Variants in MAP2K6 observed in about 807,000 individuals in gnomAD.
MAP2K6 encodes mitogen-activated protein kinase kinase 6.
Under a neutral mutation model 53.7 loss-of-function variants are expected in MAP2K6, and 16 were observed. The observed-to-expected ratio is 0.30, with a 90% CI of 0.20 to 0.45. The LOEUF (loss-of-function observed/expected upper bound fraction) is 0.45, where lower values mean the gene tolerates loss of function less well. Ranked by LOEUF, MAP2K6 falls within the 20% of genes least tolerant of loss-of-function variation. The probability of loss-of-function intolerance (pLI) is 1.00; values close to 1 mark genes in which losing one functional copy is unlikely to be tolerated. For missense variants in MAP2K6, 204 were observed against 411.9 expected (o/e 0.50, Z 4.37); for synonymous variants, 132 against 143.1 (o/e 0.92, Z 0.55).
intron 4 of MAP2K6, among the ~76,000 whole-genome samples, chr17:69,518,862 T>G (rs1166761764): frequency 6.6e-6 from 1 of 152,226 alleles, no homozygotes; most frequent in African/African-American, 2.4e-5. Context: ...CTCTAATTGC[T>G]TCTATTTTGT....
intron 1 of MAP2K6, among the ~76,000 whole-genome samples, chr17:69,419,783 C>G (rs981145000): frequency 3.9e-5 from 6 of 151,962 alleles, no homozygotes; most frequent in African/African-American, 1.5e-4. Context: ...AAAAATTAGT[C>G]AGGCGTGGTG....
At chr17:69,481,030 T>C (rs997784791) in intron 1 of MAP2K6, among the ~76,000 whole-genome samples, 1 of 152,202 alleles carries the variant, frequency 6.6e-6, no homozygotes, top group African/African-American at 2.4e-5. Flanking sequence ...TCTTAATCAT[T>C]ATAGTATAAT....
At chr17:69,450,773 A>G (rs183076051) in intron 1 of MAP2K6, among the ~76,000 whole-genome samples, 34 of 152,194 alleles carry the variant, frequency 2.2e-4, no homozygotes, top group Middle Eastern at 6.8e-3. Context: ...CTAAAAATAT[A>G]AATAAGACCC....
chr17:69,416,837 C>T (rs1263834426), intron 1 of MAP2K6, among the ~76,000 whole-genome samples: 1 of 152,152 alleles, frequency 6.6e-6, no homozygotes, highest in Non-Finnish European at 1.5e-5. Context: ...GTGGTGTTTA[C>T]TGTGATCTTA....
chr17:69,414,942 A>G lies in MAP2K6; in HGVS notation c.-43A>G. ...ACTAGCTACAGAAGAGAAGCAAGGC[A>G]AAGTCTTTTGTGCTCCCCTCCCCCA... is the stretch of plus-strand genomic sequence containing the variant. On this transcript the variant is annotated 5_prime_UTR_variant, in exon 1 of 12. Transcript: ENST00000590474. 1 of 1,527,592 alleles carries G rather than the reference A, an allele frequency of 6.5e-7. No homozygotes were observed. The allele number at this position is 1,527,592 out of a possible 1,614,324, so 94.6% of individuals were successfully genotyped here.
intron 1 of MAP2K6, among the ~76,000 whole-genome samples, chr17:69,447,904 G>A (rs1404076475): frequency 6.6e-6 from 1 of 152,160 alleles, no homozygotes; most frequent in Non-Finnish European, 1.5e-5. Flanking sequence ...CTGAGTCCAG[G>A]GGAGTGCAGA....
chr17:69,502,269 T>C, intron 1 of MAP2K6: 25 of 985,452 alleles, frequency 2.5e-5, no homozygotes, highest in Non-Finnish European at 3.0e-5. Context: ...TTCAGTTCTG[T>C]TTCTCCTTGC....
Position 69,540,862 on chromosome 17 carries a change from A to G in MAP2K6, c.928-814A>G, listed in dbSNP as rs1461840222. Reference sequence around the variant, plus strand: ...CTTGGCAAATGGCTTTAACTGTTTTAGTCTAAACCAATTCTCCAACGTCAA... The same window carrying G: ...CTTGGCAAATGGCTTTAACTGTTTTGGTCTAAACCAATTCTCCAACGTCAA... On this transcript the variant is annotated intron_variant, in intron 11 of 11. Transcript: ENST00000590474. 2.0e-5 allele frequency among the ~76,000 whole-genome samples: 3 copies of G among 152,216 alleles called. 1 individual carries two copies. Among genetic ancestry groups the G allele is most frequent in the Non-Finnish European group, 4.4e-5 (3 of 68,036 alleles).
Position 69,541,777 on chromosome 17 carries a change from A to C in MAP2K6, c.*24A>C. Reference sequence around the variant, plus strand: ...AAAAAGCAGTGGACTTAATCGGTTGACCCTACTGTGGATTGGTGGGTTTCG... The same window carrying C: ...AAAAAGCAGTGGACTTAATCGGTTGCCCCTACTGTGGATTGGTGGGTTTCG... On this transcript the variant is annotated 3_prime_UTR_variant, in exon 12 of 12. Transcript: ENST00000590474. 6.3e-7 allele frequency: 1 copy of C among 1,592,744 alleles called. No homozygotes were observed. Among genetic ancestry groups the C allele is most frequent in the South Asian group, 1.1e-5 (1 of 90,162 alleles).
intron 1 of MAP2K6, among the ~76,000 whole-genome samples, chr17:69,481,129 A>C (rs1477127375): frequency 6.6e-6 from 1 of 152,168 alleles, no homozygotes; most frequent in Non-Finnish European, 1.5e-5. Flanking sequence ...ACACTCATTA[A>C]AGAGTAACTC....
chr17:69,419,889 G>A (rs1333964760), intron 1 of MAP2K6, among the ~76,000 whole-genome samples: 1 of 150,286 alleles, frequency 6.7e-6, no homozygotes, highest in Admixed American at 6.7e-5. Context: ...ACTGTAGCCT[G>A]GGTGACAGAG....
intron 2 of MAP2K6, among the ~76,000 whole-genome samples, chr17:69,511,265 A>G (rs1292865035): frequency 6.6e-5 from 10 of 152,180 alleles, no homozygotes; most frequent in Admixed American, 4.6e-4. Flanking sequence ...GCTGTAGCTC[A>G]AAGAGTCTCG....
At chr17:69,429,361 G>T (rs1906382154) in intron 1 of MAP2K6, among the ~76,000 whole-genome samples, 1 of 151,756 alleles carries the variant, frequency 6.6e-6, no homozygotes, top group African/African-American at 2.4e-5. Context: ...AAGGTGGGAG[G>T]ATCACTTGGG....
intron 1 of MAP2K6, among the ~76,000 whole-genome samples, chr17:69,440,665 A>T (rs1567818507): frequency 6.6e-6 from 1 of 151,904 alleles, no homozygotes; most frequent in Non-Finnish European, 1.5e-5. Context: ...TTCATCTGAA[A>T]ATTTCTTGAT....
At chr17:69,534,560 CTCTT>C (rs1911257417) in intron 10 of MAP2K6, among the ~76,000 whole-genome samples, 1 of 131,196 alleles carries the variant, frequency 7.6e-6, no homozygotes, top group African/African-American at 2.6e-5. Flanking sequence ...CTTTCTCTCT[CTCTT>C]TTTTTTTTTT....
At chr17:69,435,605 T>G (rs1241320677) in intron 1 of MAP2K6, 3 of 152,144 alleles carry the variant, frequency 2.0e-5, no homozygotes, top group African/African-American at 7.2e-5. Flanking sequence ...TTGTGAAGTT[T>G]TCAAGGAAAG....
At chr17:69,424,142 G>T (rs957972309) in intron 1 of MAP2K6, among the ~76,000 whole-genome samples, 2 of 152,144 alleles carry the variant, frequency 1.3e-5, no homozygotes, top group Non-Finnish European at 2.9e-5. Context: ...CCCCGGGTGG[G>T]CAATTTTCTT....
chr17:69,502,149 T>A, intron 1 of MAP2K6: 1 of 985,250 alleles, frequency 1.0e-6, no homozygotes, highest in Non-Finnish European at 1.2e-6. Flanking sequence ...CACGCCTGGG[T>A]GTCCACATAG....
intron 8 of MAP2K6, 123 bp downstream of exon 8, chr17:69,523,764 C>A: frequency 1.6e-6 from 2 of 1,213,338 alleles, no homozygotes; most frequent in Non-Finnish European, 1.2e-6. Context: ...AAGTAGTCTG[C>A]CTCTTAGTAT....
Sources: gnomAD v4.1 joint callset for allele counts (sites outside exome capture counted in the v4.1 genomes callset) on GRCh38, gnomAD v4.1.1 for gene constraint, MANE v1.5 for transcripts, NCBI Gene and HGNC (gene_info 2026-07-23, HGNC 2026-07-21) for gene names.